Variants in DENND1B observed in about 807,000 individuals in gnomAD.
The protein encoded by DENND1B is DENN domain-containing protein 1B.
Under a neutral mutation model 90.1 loss-of-function variants are expected in DENND1B, and 59 were observed. That is an observed-to-expected ratio of 0.65 (90% confidence interval 0.53 to 0.81). The LOEUF is 0.81. Ranked by LOEUF, DENND1B falls within the 40% of genes least tolerant of loss-of-function variation. The pLI is 0.00. For missense variants in DENND1B, 862 were observed against 912.6 expected (o/e 0.94, Z 0.71); for synonymous variants, 337 against 324.6 (o/e 1.04, Z -0.41).
intron 15 of DENND1B, among the ~76,000 whole-genome samples, chr1:197,562,515 G>A (rs1240032389): frequency 1.3e-5 from 2 of 151,782 alleles, no homozygotes; most frequent in Non-Finnish European, 2.9e-5. Context: ...TGTGATCAGT[G>A]ATCTTTGATG....
At position 197,642,726 on chromosome 1, in the gene DENND1B, C is replaced by A. The variant is rs753211796; in HGVS notation, c.657G>T (p.Ser219=). 1 of 1,612,736 alleles carries A rather than the reference C, an allele frequency of 6.2e-7. No homozygotes were observed. Among genetic ancestry groups the A allele is most frequent in the Non-Finnish European group, 8.5e-7 (1 of 1,179,382 alleles). ...MLHERRIVII[S]SKLSTLTACI... ...AAGTACTTACAGTGCTTAATTTGCT[C>A]GAGATAATCACGATGCGCCTTTCAT... The change falls in exon 10 of 23, where the codon TCG becomes TCT. Residue 219 remains serine (S), a synonymous_variant. Coordinates refer to ENST00000620048, the MANE Select transcript of DENND1B (RefSeq NM_001195215.2).
intron 2 of DENND1B, among the ~76,000 whole-genome samples, chr1:197,768,219 T>C (rs151332971): frequency 2.6e-4 from 40 of 151,778 alleles, no homozygotes; most frequent in African/African-American, 9.2e-4. Flanking sequence ...TTCCTCCTGC[T>C]CCTCCTCCTC....
At chr1:197,563,228 T>C (rs1236234225) in intron 15 of DENND1B, among the ~76,000 whole-genome samples, 2 of 151,992 alleles carry the variant, frequency 1.3e-5, no homozygotes, top group Admixed American at 6.6e-5. Flanking sequence ...CAACCTTCTA[T>C]TGGAAGAAGA....
At chr1:197,713,843 A>ATATAACTATTG (rs1660289943) in intron 3 of DENND1B, among the ~76,000 whole-genome samples, 5 of 36,336 alleles carry the variant, frequency 1.4e-4, no homozygotes, top group Admixed American at 5.2e-4. Context: ...AATATATTAT[A>ATATAACTATTG]TTATATTATT....
chr1:197,531,162 C>T (rs184339859), intron 20 of DENND1B, among the ~76,000 whole-genome samples: 7 of 152,290 alleles, frequency 4.6e-5, no homozygotes, highest in African/African-American at 1.7e-4. Flanking sequence ...AAATGAATCA[C>T]GTAAATACAA....
intron 2 of DENND1B, chr1:197,746,987 C>A: frequency 1.0e-6 from 1 of 976,302 alleles, no homozygotes; most frequent in Admixed American, 1.7e-5. Context: ...TCTATCCTCT[C>A]TTCAAGGCCT....
intron 2 of DENND1B, among the ~76,000 whole-genome samples, chr1:197,745,614 TA>T (rs1663645926): frequency 8.5e-6 from 1 of 117,262 alleles, no homozygotes; most frequent in Non-Finnish European, 1.7e-5. Flanking sequence ...ACCATATATA[TA>T]TTATATATAT....
chr1:197,765,126 C>T (rs576545885), intron 2 of DENND1B, among the ~76,000 whole-genome samples: 2 of 152,276 alleles, frequency 1.3e-5, no homozygotes, highest in East Asian at 3.9e-4. Flanking sequence ...TAAATAAATA[C>T]TTTTAAAAGG....
chr1:197,588,040 T>A (rs1364728454), intron 14 of DENND1B, among the ~76,000 whole-genome samples: 1 of 152,122 alleles, frequency 6.6e-6, no homozygotes, highest in East Asian at 1.9e-4. Context: ...CGGCTGTAAA[T>A]ACAGATGAAG....
chr1:197,773,411 G>GAATA (rs1656866576), intron 1 of DENND1B, among the ~76,000 whole-genome samples: 2 of 152,158 alleles, frequency 1.3e-5, no homozygotes, highest in African/African-American at 4.8e-5. Flanking sequence ...TGTAAATGAT[G>GAATA]AATACATGGT....
At chr1:197,724,410 A>G (rs1212139000) in intron 2 of DENND1B, among the ~76,000 whole-genome samples, 3 of 152,180 alleles carry the variant, frequency 2.0e-5, no homozygotes, top group African/African-American at 4.8e-5. Flanking sequence ...TAAAGTCACT[A>G]AGAAACTTAC....
At chr1:197,645,610 T>G in intron 9 of DENND1B, 80 bp downstream of exon 9, 1 of 745,650 alleles carries the variant, frequency 1.3e-6, no homozygotes, top group East Asian at 3.1e-5. Context: ...TTTCTCTATA[T>G]AAAAACGCAT....
chr1:197,774,157 T>C (rs951694870), intron 1 of DENND1B, among the ~76,000 whole-genome samples: 3 of 152,180 alleles, frequency 2.0e-5, no homozygotes, highest in East Asian at 1.9e-4. Flanking sequence ...TTTTACTCAC[T>C]TACCCTGCCC....
intron 2 of DENND1B, chr1:197,735,882 A>G (rs1432349182): frequency 1.9e-6 from 3 of 1,549,690 alleles, no homozygotes; most frequent in Non-Finnish European, 1.8e-6. Flanking sequence ...GGGGGCTATT[A>G]CAGGTGCCTC....
intron 18 of DENND1B, among the ~76,000 whole-genome samples, chr1:197,544,983 G>GAGAAGAA (rs1553281505): frequency 2.0e-5 from 1 of 50,418 alleles, no homozygotes; most frequent in Non-Finnish European, 3.5e-5. Flanking sequence ...AAGGAGGAAG[G>GAGAAGAA]GGAAGAAGGA....
intron 2 of DENND1B, among the ~76,000 whole-genome samples, chr1:197,718,086 C>T (rs746566595): frequency 2.0e-5 from 3 of 152,020 alleles, no homozygotes; most frequent in Non-Finnish European, 4.4e-5. Context: ...GTGTGATTTA[C>T]TCACGTAGCT....
At chr1:197,518,191 A>G (rs951417690) in intron 20 of DENND1B, among the ~76,000 whole-genome samples, 1 of 151,870 alleles carries the variant, frequency 6.6e-6, no homozygotes, top group Non-Finnish European at 1.5e-5. Context: ...GAGGTGTCTG[A>G]CCAGTGGAAT....
chr1:197,687,907 T>C (rs1304332805), intron 3 of DENND1B, among the ~76,000 whole-genome samples: 3 of 152,100 alleles, frequency 2.0e-5, no homozygotes, highest in Non-Finnish European at 4.4e-5. Context: ...ACCTTATATG[T>C]AGAAAACCCT....
At chr1:197,719,172 A>G (rs941705928) in intron 2 of DENND1B, among the ~76,000 whole-genome samples, 1 of 152,202 alleles carries the variant, frequency 6.6e-6, no homozygotes, top group African/African-American at 2.4e-5. Context: ...CAGTATGTAC[A>G]GAGGCAATTT....
Sources: gnomAD v4.1 joint callset for allele counts (sites outside exome capture counted in the v4.1 genomes callset) on GRCh38, gnomAD v4.1.1 for gene constraint, MANE v1.5 for transcripts, NCBI Gene and HGNC (gene_info 2026-07-23, HGNC 2026-07-21) for gene names.